Variants in RIMS2 observed in about 807,000 individuals in gnomAD.
RIMS2 encodes the protein regulating synaptic membrane exocytosis protein 2.
RIMS2 carries 59 observed loss-of-function variants against 174.4 expected under a neutral mutation model. That is an observed-to-expected ratio of 0.34 (90% CI 0.27 to 0.42). RIMS2 has a LOEUF of 0.42. Among genes scored for constraint, RIMS2 ranks in the 10% least tolerant of loss-of-function variants. RIMS2 has a pLI of 1.00. For missense variants in RIMS2, 1,620 were observed against 1,666.3 expected, an observed-to-expected ratio of 0.97 and a Z score of 0.48; for synonymous variants, 606 against 572.5, an observed-to-expected ratio of 1.06 and a Z score of -0.84.
intron 3 of RIMS2, among the ~76,000 whole-genome samples, chr8:103,867,349 A>G (rs1019280208): frequency 1.3e-5 from 2 of 151,784 alleles, no homozygotes; most frequent in African/African-American, 2.4e-5. Context: ...ATACTCATAG[A>G]ATACAAATAT....
At chr8:103,573,242 T>C (rs75548275) in intron 1 of RIMS2, among the ~76,000 whole-genome samples, 4 of 151,530 alleles carry the variant, frequency 2.6e-5, no homozygotes, top group East Asian at 3.9e-4. Flanking sequence ...TTTTTTTTTT[T>C]CAGTAGAGAT....
chr8:103,845,790 C>T (rs1233563375), intron 3 of RIMS2, among the ~76,000 whole-genome samples: 2 of 152,052 alleles, frequency 1.3e-5, no homozygotes, highest in Non-Finnish European at 2.9e-5. Flanking sequence ...GTAGTTCATA[C>T]TTGAGTAGAA....
chr8:103,631,826 C>T (rs1169661696), intron 1 of RIMS2, among the ~76,000 whole-genome samples: 1 of 152,100 alleles, frequency 6.6e-6, no homozygotes, highest in Non-Finnish European at 1.5e-5. Flanking sequence ...TGTAATTCTC[C>T]TTGTAGAGAC....
At chr8:103,848,190 C>T (rs746450827) in intron 3 of RIMS2, among the ~76,000 whole-genome samples, 5 of 152,022 alleles carry the variant, frequency 3.3e-5, no homozygotes, top group Non-Finnish European at 5.9e-5. Flanking sequence ...AGGTTGTGAA[C>T]TGAAACTCCA....
At chr8:103,831,665 A>G (rs545708578) in intron 3 of RIMS2, among the ~76,000 whole-genome samples, 57 of 152,156 alleles carry the variant, frequency 3.7e-4, no homozygotes, top group Non-Finnish European at 6.5e-4. Flanking sequence ...GGGGGCATCT[A>G]TTCTGGGCTT....
In RIMS2 at chr8:103,975,337, T is replaced by A. The variant is rs2093325390; in HGVS notation, c.2771-13T>A. On this transcript the variant is annotated splice_polypyrimidine_tract_variant and intron_variant, in intron 15 of 23. Transcript: ENST00000504942. ...ATACATAACTATAATATTTATTAATTTTCTACCTTTAGATTATCGACATGA... is the reference window on the plus strand; with the variant it reads ...ATACATAACTATAATATTTATTAATATTCTACCTTTAGATTATCGACATGA... The A allele has an allele frequency of 6.3e-7, 1 of 1,597,676 alleles. No individual in the cohort carries two copies. Among genetic ancestry groups the A allele is most frequent in the Non-Finnish European group, 8.6e-7 (1 of 1,166,330 alleles).
Position 103,986,332 on chromosome 8 carries a change from G to A in RIMS2, c.2928-2973G>A, listed in dbSNP as rs77482796. Among the ~76,000 whole-genome samples the A allele has an allele frequency of 4.0e-3, 607 of 152,066 alleles. 8 individuals carry two copies. Among genetic ancestry groups the A allele is most frequent in the African/African-American group, 0.013 (552 of 41,488 alleles). On this transcript the variant is annotated intron_variant, in intron 16 of 23. Coordinates refer to ENST00000504942, the Ensembl canonical transcript of RIMS2. The stretch of plus-strand genomic sequence containing the variant: ...AAGGATGGAATTAATAAAGATTAGG[G>A]AAAAATCAGTGAAACTGAAACAAAA...
At chr8:103,652,080 G>T in intron 1 of RIMS2, 125 bp from the exon 2 acceptor site, 2 of 293,380 alleles carry the variant, frequency 6.8e-6, no homozygotes, top group East Asian at 9.1e-5. Flanking sequence ...TCAATATATG[G>T]CAAAGCACTA....
chr8:104,102,600 A>T (rs1475721849), intron 19 of RIMS2, among the ~76,000 whole-genome samples: 1 of 152,232 alleles, frequency 6.6e-6, no homozygotes, highest in Non-Finnish European at 1.5e-5. Flanking sequence ...TTATAAAGAA[A>T]AAGAGGTTTA....
At chr8:103,763,263 C>T (rs1018199148) in intron 2 of RIMS2, among the ~76,000 whole-genome samples, 6 of 152,044 alleles carry the variant, frequency 3.9e-5, no homozygotes, top group South Asian at 2.1e-4. Flanking sequence ...CATAGTGAAA[C>T]CCCATCTCTA....
chr8:104,049,734 A>T (rs576249769), intron 19 of RIMS2, among the ~76,000 whole-genome samples: 1 of 152,192 alleles, frequency 6.6e-6, no homozygotes, highest in Non-Finnish European at 1.5e-5. Flanking sequence ...TTCCACTTCA[A>T]TAGCAAGCAA....
At chr8:104,234,370 G>A (rs1302920000) in intron 19 of RIMS2, among the ~76,000 whole-genome samples, 5 of 151,898 alleles carry the variant, frequency 3.3e-5, no homozygotes, top group African/African-American at 4.8e-5. Flanking sequence ...ACAGAAACAG[G>A]CACAGGTATC....
intron 1 of RIMS2, among the ~76,000 whole-genome samples, chr8:103,692,008 A>C (rs2097032140): frequency 1.3e-5 from 2 of 152,152 alleles, no homozygotes. Context: ...TGCTAGGCAG[A>C]GACTCTTGTT....
chr8:103,842,226 T>C (rs1445238358), intron 3 of RIMS2, among the ~76,000 whole-genome samples: 1 of 152,102 alleles, frequency 6.6e-6, no homozygotes, highest in Non-Finnish European at 1.5e-5. Flanking sequence ...ATAATGCTTT[T>C]TGACTATCTT....
chr8:103,740,090 GC>G (rs1374819422), intron 2 of RIMS2, among the ~76,000 whole-genome samples: 2 of 152,114 alleles, frequency 1.3e-5, no homozygotes, highest in African/African-American at 2.4e-5. Context: ...GTTTAGATAA[GC>G]ATTGTTTTAT....
chr8:103,550,810 C>T (rs948893221), intron 1 of RIMS2, among the ~76,000 whole-genome samples: 7 of 152,130 alleles, frequency 4.6e-5, no homozygotes, highest in Admixed American at 1.3e-4. Flanking sequence ...AAACTACCAT[C>T]GGAGAATACT....
chr8:104,157,075 A>T (rs2098729118), intron 19 of RIMS2, among the ~76,000 whole-genome samples: 1 of 152,230 alleles, frequency 6.6e-6, no homozygotes, highest in South Asian at 2.1e-4. Context: ...TGCCTTTAAA[A>T]TTATAACAGT....
chr8:103,914,484 G>T (rs2154528087), intron 6 of RIMS2, among the ~76,000 whole-genome samples: 1 of 152,212 alleles, frequency 6.6e-6, no homozygotes, highest in East Asian at 1.9e-4. Context: ...AATCATTATA[G>T]CCAGTATAAT....
chr8:104,170,693 C>T (rs1231758872), intron 19 of RIMS2, among the ~76,000 whole-genome samples: 4 of 151,988 alleles, frequency 2.6e-5, no homozygotes, highest in Non-Finnish European at 5.9e-5. Context: ...CTATTCTATT[C>T]ATCATATTAG....
Sources: allele counts gnomAD v4.1 joint callset (sites outside exome capture counted in the v4.1 genomes callset), GRCh38; gene constraint gnomAD v4.1.1; transcripts MANE v1.5; gene names NCBI Gene and HGNC (gene_info 2026-07-23, HGNC 2026-07-21).